TEAD1: variants seen among roughly 807,000 people sequenced by gnomAD.
TEAD1 encodes transcriptional enhancer factor TEF-1.
A neutral mutation model predicts 54.9 loss-of-function variants in TEAD1; 9 were observed. The ratio of observed to expected loss-of-function variants is 0.16; its 90% confidence interval spans 0.10 to 0.29. The LOEUF is 0.29. Among genes scored for constraint, TEAD1 ranks in the 10% least tolerant of loss-of-function variants. The pLI is 1.00. For missense variants in TEAD1, 387 were observed against 535.9 expected (o/e 0.72, Z 2.74); for synonymous variants, 200 against 187.8 (o/e 1.07, Z -0.53).
chr11:12,873,757 A>G (rs2134085715), intron 5 of TEAD1, among the ~76,000 whole-genome samples: 1 of 152,336 alleles, frequency 6.6e-6, no homozygotes, highest in East Asian at 1.9e-4. Flanking sequence ...ACCATAATAT[A>G]GTTCTGTGAT....
intron 2 of TEAD1, among the ~76,000 whole-genome samples, chr11:12,760,685 G>A (rs1383644511): frequency 2.6e-5 from 4 of 152,168 alleles, no homozygotes; most frequent in Non-Finnish European, 5.9e-5. Context: ...GAGGTAATTT[G>A]CGTGACAGTT....
rs138120303 is a variant in TEAD1 at position 12,778,138 on chromosome 11, C to A, written c.202+13704C>A. Among the ~76,000 whole-genome samples, 752 of 152,262 alleles carry A rather than the reference C, an allele frequency of 4.9e-3. 7 individuals are homozygous for A. The highest frequency in any genetic ancestry group is 0.017 in the African/African-American group (724 of 41,546). ...TTATCTTACATTACAGATGAGGAAA[C>A]CATGGCCTAGAGAGGTTTAGTAAGT... On this transcript the variant is annotated intron_variant, in intron 3 of 12. Coordinates refer to ENST00000527636, the MANE Select transcript of TEAD1 (RefSeq NM_021961.6).
intron 2 of TEAD1, among the ~76,000 whole-genome samples, chr11:12,684,824 C>A (rs753950934): frequency 1.4e-4 from 22 of 152,208 alleles, no homozygotes; most frequent in Admixed American, 1.2e-3. Context: ...CCTTAAATGT[C>A]ACTCAAATAA....
chr11:12,692,230 C>T (rs1188654175), intron 2 of TEAD1, among the ~76,000 whole-genome samples: 1 of 152,184 alleles, frequency 6.6e-6, no homozygotes, highest in Admixed American at 6.5e-5. Context: ...CCAACCACCC[C>T]CCAGTCCCCC....
intron 7 of TEAD1, among the ~76,000 whole-genome samples, chr11:12,881,431 CAA>C (rs1179185475): frequency 6.6e-6 from 1 of 152,050 alleles, no homozygotes; most frequent in Non-Finnish European, 1.5e-5. Flanking sequence ...GGCTAGTAGA[CAA>C]ATCCTACTGA....
intron 2 of TEAD1, among the ~76,000 whole-genome samples, chr11:12,728,767 T>C (rs887407689): frequency 6.6e-6 from 1 of 152,234 alleles, no homozygotes; most frequent in Non-Finnish European, 1.5e-5. Flanking sequence ...TTTAGTCTTT[T>C]CTCTCCCCAG....
intron 2 of TEAD1, among the ~76,000 whole-genome samples, chr11:12,748,024 C>T (rs569516083): frequency 1.3e-4 from 19 of 151,400 alleles, no homozygotes; most frequent in South Asian, 4.2e-4. Context: ...TGCAGTGGCG[C>T]GATCCTGGCT....
chr11:12,875,142 G>T (rs191105196), intron 5 of TEAD1, among the ~76,000 whole-genome samples: 7 of 152,288 alleles, frequency 4.6e-5, no homozygotes, highest in Middle Eastern at 3.4e-3. Context: ...AGAAATGTTG[G>T]TGTGAAGACA....
At chr11:12,779,537 G>A (rs1945502338) in intron 3 of TEAD1, among the ~76,000 whole-genome samples, 1 of 152,168 alleles carries the variant, frequency 6.6e-6, no homozygotes, top group Non-Finnish European at 1.5e-5. Flanking sequence ...CAACTTCAGT[G>A]TGAAGATTAA....
chr11:12,854,347 G>A (rs1947330217), intron 3 of TEAD1, among the ~76,000 whole-genome samples: 1 of 152,138 alleles, frequency 6.6e-6, no homozygotes, highest in Non-Finnish European at 1.5e-5. Flanking sequence ...GATGCACAGT[G>A]ATGAGCAAAA....
chr11:12,897,244 A>G (rs1948330995), intron 9 of TEAD1, among the ~76,000 whole-genome samples: 1 of 152,138 alleles, frequency 6.6e-6, no homozygotes, highest in African/African-American at 2.4e-5. Flanking sequence ...CCACTGCTGG[A>G]GAAGAAACGA....
intron 2 of TEAD1, among the ~76,000 whole-genome samples, chr11:12,702,710 C>G (rs1000385784): frequency 6.6e-6 from 1 of 151,888 alleles, no homozygotes; most frequent in Non-Finnish European, 1.5e-5. Context: ...AAGCTACTTC[C>G]GTCCTTCTCT....
At chr11:12,832,277 C>A (rs1946799133) in intron 3 of TEAD1, among the ~76,000 whole-genome samples, 1 of 152,150 alleles carries the variant, frequency 6.6e-6, no homozygotes, top group African/African-American at 2.4e-5. Flanking sequence ...AAAATGAGAT[C>A]AAACATTGTC....
rs150873825 is a variant in TEAD1, at chr11:12,753,540, T to C, written c.-54-10639T>C. 2.0e-4 allele frequency among the ~76,000 whole-genome samples: 31 copies of C among 152,376 alleles called. No homozygotes were observed. The East Asian group carries it at 5.8e-3, about 28-fold the overall frequency. ...CATGTTGAACACCTTTTCATATGTT[T>C]ATGGGCCATTTGGTTATGTTTCATA... On this transcript the variant is annotated intron_variant, in intron 2 of 12. Transcript: ENST00000527636.
chr11:12,689,260 T>C lies in TEAD1; in HGVS notation c.-55+13699T>C, dbSNP rs142441102. ...CATCAGAAAAGCACCACTTCTGCTC[T>C]CTTTAACACTGGATTGAATCTGTTG... On this transcript the variant is annotated intron_variant, in intron 2 of 12. Coordinates refer to ENST00000527636, the MANE Select transcript of TEAD1 (RefSeq NM_021961.6). 3.9e-3 allele frequency among the ~76,000 whole-genome samples: 589 copies of C among 152,304 alleles called. 2 individuals are homozygous for C. The highest frequency in any genetic ancestry group is 0.013 in the African/African-American group (560 of 41,570).
At chr11:12,735,885 G>T (rs1363504734) in intron 2 of TEAD1, among the ~76,000 whole-genome samples, 2 of 152,084 alleles carry the variant, frequency 1.3e-5, no homozygotes. Flanking sequence ...CTTGTTTAAG[G>T]CTAATTGAAC....
chr11:12,892,536 C>T (rs561722830), intron 9 of TEAD1, among the ~76,000 whole-genome samples: 19 of 152,182 alleles, frequency 1.2e-4, no homozygotes, highest in African/African-American at 2.4e-4. Flanking sequence ...CCCAGCTACT[C>T]GGGAGGCTGA....
At chr11:12,709,499 T>A (rs1294193022) in intron 2 of TEAD1, among the ~76,000 whole-genome samples, 1 of 152,110 alleles carries the variant, frequency 6.6e-6, no homozygotes, top group Non-Finnish European at 1.5e-5. Flanking sequence ...CTCAACTTCC[T>A]GAGTAGCTGA....
At chr11:12,771,580 G>C (rs1406965378) in intron 3 of TEAD1, among the ~76,000 whole-genome samples, 1 of 152,198 alleles carries the variant, frequency 6.6e-6, no homozygotes, top group Non-Finnish European at 1.5e-5. Context: ...GGCAGGAGAA[G>C]CAGGTTTGTA....
Sources: allele counts gnomAD v4.1 joint callset (sites outside exome capture counted in the v4.1 genomes callset), GRCh38; gene constraint gnomAD v4.1.1; transcripts MANE v1.5; gene names NCBI Gene and HGNC (gene_info 2026-07-23, HGNC 2026-07-21).